The following NUP210 variants were observed in gnomAD, a reference collection of about 807,000 sequenced individuals.
NUP210 encodes the protein nucleoporin 210, also known as nuclear pore membrane glycoprotein 210.
Under a neutral mutation model 196.0 loss-of-function variants are expected in NUP210, and 151 were observed. That is an observed-to-expected ratio of 0.77 (90% CI 0.67 to 0.88). The LOEUF is 0.88. Among genes scored for constraint, NUP210 ranks in the 40% least tolerant of loss-of-function variants. The probability of loss-of-function intolerance (pLI) is 0.00; values close to 1 mark genes in which losing one functional copy is unlikely to be tolerated. For missense variants in NUP210, 2,314 were observed against 2,493.7 expected (o/e 0.93, Z 1.53); for synonymous variants, 1,070 against 1,052.7 (o/e 1.02, Z -0.32).
chr3:13,403,767 G>A (rs577314214), intron 1 of NUP210, among the ~76,000 whole-genome samples: 2 of 152,208 alleles, frequency 1.3e-5, no homozygotes, highest in Non-Finnish European at 2.9e-5. Flanking sequence ...GGGGGAGAGA[G>A]AAAGCAGCCT....
intron 13 of NUP210, among the ~76,000 whole-genome samples, chr3:13,370,019 G>T (rs1394949428): frequency 6.6e-6 from 1 of 152,172 alleles, no homozygotes; most frequent in African/African-American, 2.4e-5. Context: ...CCTAACATGG[G>T]ACCAAATTTG....
rs377442989 is a variant in NUP210 at position 13,356,969 on chromosome 3, T to C, written c.2328+1253A>G. 1.2e-4 allele frequency among the ~76,000 whole-genome samples: 19 copies of C among 152,280 alleles called. No individual in the cohort carries two copies. In the East Asian group the frequency reaches 3.5e-3, roughly 28 times the overall value. On this transcript the variant is annotated intron_variant, in intron 16 of 39. Coordinates refer to ENST00000254508, the MANE Select transcript of NUP210 (RefSeq NM_024923.4). ...ACAGGGAAGATGCACATAGGTATGATTTGTTTTTCTTTGAAAATGAGAAAG... is the reference window on the plus strand; with the variant it reads ...ACAGGGAAGATGCACATAGGTATGACTTGTTTTTCTTTGAAAATGAGAAAG...
chr3:13,327,995 G>A (rs1397676101), intron 31 of NUP210, among the ~76,000 whole-genome samples: 2 of 152,234 alleles, frequency 1.3e-5, no homozygotes, highest in African/African-American at 2.4e-5. Flanking sequence ...TGTGGACTGC[G>A]TGGGGTGACA....
intron 1 of NUP210, among the ~76,000 whole-genome samples, chr3:13,419,559 C>G (rs1374952116): frequency 6.6e-6 from 1 of 152,228 alleles, no homozygotes; most frequent in African/African-American, 2.4e-5. Context: ...TCCAAAACTC[C>G]TTTCCTCCAG....
intron 27 of NUP210, 109 bp downstream of exon 27, chr3:13,336,678 G>A (rs1246533686): frequency 8.0e-7 from 1 of 1,253,024 alleles, no homozygotes; most frequent in Non-Finnish European, 1.1e-6. Context: ...CTCTAGGTGT[G>A]AGGGTGGGGA....
rs1250883390 is a variant in NUP210 at position 13,352,072 on chromosome 3, G to A, written c.2733+8C>T. 1.9e-6 allele frequency: 3 copies of A among 1,611,680 alleles called. No homozygotes were observed. In the Admixed American group the frequency reaches 5.0e-5, roughly 27 times the overall value. On this transcript the variant is annotated splice_region_variant and intron_variant, in intron 19 of 39. Transcript: ENST00000254508. ...TTGCCCAGGAAGGTGGCAGGGCAAG[G>A]ACTGTACCTGGATGCCAGGGTGGTT... is the stretch of plus-strand genomic sequence containing the variant.
At chr3:13,413,181 C>T (rs1468487794) in intron 1 of NUP210, among the ~76,000 whole-genome samples, 3 of 150,192 alleles carry the variant, frequency 2.0e-5, no homozygotes, top group African/African-American at 7.4e-5. Context: ...AGAAGAATTG[C>T]TTGAGGCCGG....
rs749641812 is a variant in NUP210, at chr3:13,319,773, C to A, written c.5373G>T (p.Gly1791=). 1.2e-6 allele frequency: 2 copies of A among 1,613,970 alleles called. No individual in the cohort carries two copies. The highest frequency in any genetic ancestry group is 1.3e-5 in the African/African-American group (1 of 74,928). The change falls in exon 37 of 40, where the codon GGG becomes GGT. Residue 1791 remains glycine, a synonymous_variant. Transcript: ENST00000254508. ...CGTTCCGTGACTCACAAGGACCGGG[C>A]CCACGGCGATCCACCACAAAAGCCA... ...VTVAFVVDRR[G]PGPYGASLFQ...
intron 14 of NUP210, among the ~76,000 whole-genome samples, chr3:13,361,348 T>A (rs1013409154): frequency 9.2e-5 from 14 of 152,324 alleles, no homozygotes; most frequent in African/African-American, 3.4e-4. Flanking sequence ...TAAAGTAGTA[T>A]TTCACACAAA....
intron 25 of NUP210, 68 bp from the exon 26 acceptor site, chr3:13,337,985 C>T: frequency 2.1e-6 from 3 of 1,443,262 alleles, no homozygotes; most frequent in Non-Finnish European, 2.9e-6. Context: ...AGGAAGGGAC[C>T]CCTCAAGGGA....
intron 1 of NUP210, among the ~76,000 whole-genome samples, chr3:13,406,125 G>A (rs900087): frequency 0.96 from 146,079 of 152,278 alleles, 70,125 homozygotes; most frequent in East Asian, 1. Context: ...AATGGTGGCA[G>A]TGAAGTGACT....
intron 1 of NUP210, among the ~76,000 whole-genome samples, chr3:13,404,657 C>T (rs1394076960): frequency 6.6e-6 from 1 of 152,188 alleles, no homozygotes; most frequent in Admixed American, 6.5e-5. Context: ...AGCCCAAAAG[C>T]AGGATACTTT....
At chr3:13,398,712 G>A (rs1273456890) in intron 2 of NUP210, among the ~76,000 whole-genome samples, 4 of 152,106 alleles carry the variant, frequency 2.6e-5, no homozygotes, top group Non-Finnish European at 5.9e-5. Flanking sequence ...CTGAGCCCAG[G>A]AGTTTGAAAC....
intron 4 of NUP210, 42 bp downstream of exon 4, chr3:13,391,169 C>A: frequency 1.4e-6 from 2 of 1,444,406 alleles, no homozygotes; most frequent in South Asian, 1.2e-5. Context: ...CCCCTTTCCC[C>A]TTCCCTTCAA....
At chr3:13,412,882 A>T (rs1267768432) in intron 1 of NUP210, among the ~76,000 whole-genome samples, 1 of 151,856 alleles carries the variant, frequency 6.6e-6, no homozygotes, top group Non-Finnish European at 1.5e-5. Context: ...GAGGCAGGAG[A>T]ATGGCGTGAA....
At position 13,350,253 on chromosome 3, in the gene NUP210, T is replaced by C. The variant is rs1270211129; in HGVS notation, c.2835+1626A>G. 6.6e-6 allele frequency among the ~76,000 whole-genome samples: 1 copy of C among 151,808 alleles called. No individual in the cohort carries two copies. Among genetic ancestry groups the C allele is most frequent in the Non-Finnish European group, 1.5e-5 (1 of 67,976 alleles). On this transcript the variant is annotated intron_variant, in intron 20 of 39. Transcript: ENST00000254508. This position sits in a 1 kb window ranked among gnomAD's most constrained non-coding sequence, Gnocchi z 4.1. ...GTGTGTTCAGCAAAATAACACAGCC[T>C]GTGTGTTTGTGTGTGTGTGCGCGTG...
chr3:13,376,535 C>T, intron 9 of NUP210, 104 bp from the exon 10 acceptor site: 1 of 1,372,108 alleles, frequency 7.3e-7, no homozygotes, highest in Non-Finnish European at 1.0e-6. Flanking sequence ...CCAGGCCAGG[C>T]CAAGGGGCCC....
intron 2 of NUP210, 30 bp downstream of exon 2, chr3:13,399,695 C>T (rs372788480): frequency 2.2e-5 from 36 of 1,613,394 alleles, no homozygotes; most frequent in East Asian, 8.9e-5. Context: ...TGGCTCCCAC[C>T]GGGGATCACA....
At chr3:13,404,515 T>C (rs1699938967) in intron 1 of NUP210, among the ~76,000 whole-genome samples, 1 of 152,238 alleles carries the variant, frequency 6.6e-6, no homozygotes, top group Non-Finnish European at 1.5e-5. Context: ...AATGAAAATA[T>C]CTTCCCCCTA....
Sources: allele counts gnomAD v4.1 joint callset (sites outside exome capture counted in the v4.1 genomes callset), GRCh38; gene constraint gnomAD v4.1.1; non-coding constraint Gnocchi (gnomAD v3.1); transcripts MANE v1.5; gene names NCBI Gene and HGNC (gene_info 2026-07-23, HGNC 2026-07-21).